Variants in MAGI3 observed in about 807,000 individuals in gnomAD.
MAGI3 encodes membrane-associated guanylate kinase, WW and PDZ domain-containing protein 3.
Under a neutral mutation model 121.8 loss-of-function variants are expected in MAGI3, and 43 were observed. That is an observed-to-expected ratio of 0.35 (90% confidence interval 0.28 to 0.46). MAGI3 has a LOEUF of 0.46. Among genes scored for constraint, MAGI3 ranks in the 20% least tolerant of loss-of-function variants. The pLI, the probability that MAGI3 is intolerant of heterozygous loss-of-function variation, is 1.00. For missense variants in MAGI3, 1,547 were observed against 1,797.3 expected, an observed-to-expected ratio of 0.86 and a Z score of 2.52; for synonymous variants, 553 against 639.3, an observed-to-expected ratio of 0.86 and a Z score of 2.04.
chr1:113,672,085 C>G (rs1423011098), intron 17 of MAGI3, among the ~76,000 whole-genome samples: 1 of 152,180 alleles, frequency 6.6e-6, no homozygotes, highest in Non-Finnish European at 1.5e-5. Context: ...GCCTGACATG[C>G]GAGGATTAGA....
intron 14 of MAGI3, among the ~76,000 whole-genome samples, chr1:113,652,819 A>G (rs1440924989): frequency 6.6e-6 from 1 of 152,232 alleles, no homozygotes; most frequent in Admixed American, 6.5e-5. Flanking sequence ...AAAATCAGTT[A>G]GGACTTTGTG....
chr1:113,643,023 T>G (rs1263131980), intron 10 of MAGI3, among the ~76,000 whole-genome samples: 1 of 152,228 alleles, frequency 6.6e-6, no homozygotes, highest in Non-Finnish European at 1.5e-5. Flanking sequence ...AGTTTTCATC[T>G]TAAGCTCTAG....
chr1:113,650,006 T>G (rs1040824046), intron 13 of MAGI3, among the ~76,000 whole-genome samples: 6 of 152,194 alleles, frequency 3.9e-5, no homozygotes, highest in African/African-American at 1.2e-4. Context: ...TAATGTGTTC[T>G]GTAGCATTTT....
intron 9 of MAGI3, among the ~76,000 whole-genome samples, chr1:113,624,293 A>G (rs533402903): frequency 2.6e-5 from 4 of 152,096 alleles, no homozygotes; most frequent in Non-Finnish European, 2.9e-5. Flanking sequence ...ATTGTTTTCC[A>G]TAGTGGTTGT....
intron 1 of MAGI3, among the ~76,000 whole-genome samples, chr1:113,437,861 T>TTC (rs1557757061): frequency 5.3e-4 from 29 of 54,410 alleles, no homozygotes; most frequent in East Asian, 2.4e-3. Flanking sequence ...CTTCTTCTTC[T>TTC]TCCTCTTCTT....
At chr1:113,425,900 A>G (rs1652985085) in intron 1 of MAGI3, among the ~76,000 whole-genome samples, 1 of 151,948 alleles carries the variant, frequency 6.6e-6, no homozygotes. Context: ...TTTTATTTCC[A>G]ATATCATTCA....
intron 16 of MAGI3, among the ~76,000 whole-genome samples, chr1:113,664,919 ATATC>A (rs1571020403): frequency 6.6e-6 from 1 of 152,184 alleles, no homozygotes; most frequent in Non-Finnish European, 1.5e-5. Flanking sequence ...GAGACTATAA[ATATC>A]TATCTTTTTC....
At position 113,637,818 on chromosome 1, in the gene MAGI3, G is replaced by A. The variant is rs568243895; in HGVS notation, c.1361-4093G>A. ...GAAGTTCTGCTGGATAATATCCTGCGGAGTGTTTTCCAACTTGGTTCCATT... is the reference window on the plus strand; with the variant it reads ...GAAGTTCTGCTGGATAATATCCTGCAGAGTGTTTTCCAACTTGGTTCCATT... On this transcript the variant is annotated intron_variant, in intron 9 of 20. Transcript: ENST00000307546. Among the ~76,000 whole-genome samples the A allele has an allele frequency of 5.1e-3, 779 of 152,200 alleles. 4 individuals are homozygous for A. The highest frequency in any genetic ancestry group is 0.018 in the African/African-American group (749 of 41,514).
At chr1:113,600,606 TG>T (rs148313409) in intron 6 of MAGI3, among the ~76,000 whole-genome samples, 111,861 of 151,994 alleles carry the variant, frequency 0.74, 41,695 homozygotes, top group African/African-American at 0.78. Context: ...TCCATGCTCA[TG>T]GGTAGGAAGA....
At chr1:113,679,349 A>AG (rs1225855027) in intron 19 of MAGI3, among the ~76,000 whole-genome samples, 2 of 151,982 alleles carry the variant, frequency 1.3e-5, no homozygotes, top group Non-Finnish European at 1.5e-5. Context: ...TGAGAACATG[A>AG]GGTATTTGGT....
intron 20 of MAGI3, chr1:113,682,179 CAT>C (rs745957251): frequency 1.4e-6 from 2 of 1,431,090 alleles, no homozygotes; most frequent in South Asian, 1.4e-5. Context: ...TTTTTTTTCA[CAT>C]AGTCCTAGGC....
chr1:113,503,510 C>T (rs148462364), intron 1 of MAGI3, among the ~76,000 whole-genome samples: 60 of 151,830 alleles, frequency 4.0e-4, no homozygotes, highest in Admixed American at 9.8e-4. Flanking sequence ...TTTCACAGTA[C>T]GATAATTTTT....
chr1:113,563,292 A>C (rs1660313307), intron 2 of MAGI3, among the ~76,000 whole-genome samples: 1 of 152,214 alleles, frequency 6.6e-6, no homozygotes, highest in Non-Finnish European at 1.5e-5. Flanking sequence ...CTAGTCTGCC[A>C]TTTATTACCC....
At chr1:113,567,305 C>A (rs1430937510) in intron 2 of MAGI3, among the ~76,000 whole-genome samples, 1 of 151,962 alleles carries the variant, frequency 6.6e-6, no homozygotes, top group Non-Finnish European at 1.5e-5. Flanking sequence ...AACCTCCCAA[C>A]AAAGAAAAGC....
intron 1 of MAGI3, among the ~76,000 whole-genome samples, chr1:113,519,921 C>T (rs1658094943): frequency 6.6e-6 from 1 of 152,216 alleles, no homozygotes; most frequent in Admixed American, 6.5e-5. Flanking sequence ...AGGGGCTAGC[C>T]AAGGGCTAAT....
chr1:113,616,761 G>A (rs1323265997), intron 7 of MAGI3, among the ~76,000 whole-genome samples: 1 of 151,934 alleles, frequency 6.6e-6, no homozygotes, highest in African/African-American at 2.4e-5. Context: ...TACACATTTT[G>A]GGGGTACGTA....
rs750413111 is a variant in MAGI3 at position 113,391,184 on chromosome 1, G to T, written c.151G>T (p.Glu51Ter). ...CCCCTACCTGGGGCGGCTCCGCGAG[G>T]AGCCCGGCGGGGGCACCTGCTGCGT... ...EFPYLGRLRE[E>*]PGGGTCCVVS... is the part of the protein sequence containing the mutation. Residue 51 changes from glutamate to a stop codon, truncating the protein, a stop_gained, in exon 1 of 21, where the codon GAG (glutamate) becomes TAG (stop). Transcript: ENST00000307546. LOFTEE classifies it high-confidence loss of function. The surrounding 1 kb of genome is among the most constrained non-coding windows in gnomAD (Gnocchi z 4.4). The T allele has an allele frequency of 5.2e-6, 8 of 1,552,134 alleles. No individual in the cohort carries two copies. The South Asian group carries it at 9.5e-5, about 18-fold the overall frequency.
At position 113,653,933 on chromosome 1, in the gene MAGI3, G is replaced by A. The variant is rs774164369; in HGVS notation, c.2544G>A (p.Glu848=). ...AEVPARPAPQ[E]PYDVVLQRKE... Reference sequence around the variant, plus strand: ...TCCCAGCCAGGCCTGCACCCCAGGAGCCCTATGATGTTGTCTTGCAACGAA... The same window carrying A: ...TCCCAGCCAGGCCTGCACCCCAGGAACCCTATGATGTTGTCTTGCAACGAA... The change falls in exon 15 of 21, where the codon GAG becomes GAA. Residue 848 remains glutamate (E), a synonymous_variant. Coordinates refer to ENST00000307546, the MANE Select transcript of MAGI3 (RefSeq NM_001142782.2). 5.0e-6 allele frequency: 8 copies of A among 1,613,922 alleles called. No individual in the cohort carries two copies. In the African/African-American group the frequency reaches 1.1e-4, roughly 22 times the overall value.
Position 113,643,727 on chromosome 1 carries a change from T to A in MAGI3, c.1967-16T>A. Reference sequence around the variant, plus strand: ...GCATCCTCTGGTTTTAAACTTTGGTTCATTTTTTTTTTAAGGTCCTCCTTC... The same window carrying A: ...GCATCCTCTGGTTTTAAACTTTGGTACATTTTTTTTTTAAGGTCCTCCTTC... On this transcript the variant is annotated splice_polypyrimidine_tract_variant and intron_variant, in intron 10 of 20. Coordinates refer to ENST00000307546, the MANE Select transcript of MAGI3 (RefSeq NM_001142782.2). 6.2e-7 allele frequency: 1 copy of A among 1,612,586 alleles called. No homozygotes were observed. The highest frequency in any genetic ancestry group is 2.2e-5 in the East Asian group (1 of 44,872).
Sources: allele counts gnomAD v4.1 joint callset (sites outside exome capture counted in the v4.1 genomes callset), GRCh38; gene constraint gnomAD v4.1.1; non-coding constraint Gnocchi (gnomAD v3.1); transcripts MANE v1.5; gene names NCBI Gene and HGNC (gene_info 2026-07-23, HGNC 2026-07-21).